PNLIP: variants seen among roughly 807,000 people sequenced by gnomAD.
PNLIP encodes the protein pancreatic lipase.
PNLIP carries 49 observed loss-of-function variants against 57.1 expected under a neutral mutation model. The observed-to-expected ratio is 0.86, with a 90% CI of 0.68 to 1.09. The LOEUF is 1.09. Among genes scored for constraint, PNLIP ranks in the 50% least tolerant of loss-of-function variants. PNLIP has a pLI of 0.00. For missense variants in PNLIP, 503 were observed against 570.2 expected, an observed-to-expected ratio of 0.88 and a Z score of 1.20; for synonymous variants, 209 against 200.4, an observed-to-expected ratio of 1.04 and a Z score of -0.36.
intron 9 of PNLIP, among the ~76,000 whole-genome samples, chr10:116,558,601 A>G (rs1193867883): frequency 6.6e-6 from 1 of 151,802 alleles, no homozygotes; most frequent in Non-Finnish European, 1.5e-5. Context: ...ACACACACAC[A>G]CACACACATA....
At position 116,555,313 on chromosome 10, in the gene PNLIP, C is replaced by T. The variant is rs1847241095; in HGVS notation, c.691+16C>T. 3.7e-6 allele frequency: 6 copies of T among 1,613,984 alleles called. No individual in the cohort carries two copies. The African/African-American group carries it at 4.0e-5, about 11-fold the overall frequency. On this transcript the variant is annotated intron_variant, in intron 7 of 12. Coordinates refer to ENST00000369221, the MANE Select transcript of PNLIP (RefSeq NM_000936.4). ...CCCAATTTGGGTGAGTTCCTCAACC[C>T]GTCCCCCAAAGGGTGTTATAGTGTC...
chr10:116,555,228 T>C lies in PNLIP; in HGVS notation c.622T>C (p.Leu208=), dbSNP rs778768804. The C allele has an allele frequency of 4.3e-6, 7 of 1,614,104 alleles. No homozygotes were observed. Among genetic ancestry groups the C allele is most frequent in the African/African-American group, 4.0e-5 (3 of 74,926 alleles). The change falls in exon 7 of 13, where the codon TTG becomes CTG. Residue 208 remains leucine, a synonymous_variant. Transcript: ENST00000369221. ...CFQGTPELVR[L]DPSDAKFVDV... ...TCAGGGCACACCTGAATTAGTCCGA[T>C]TGGACCCCAGCGATGCCAAATTTGT... is the stretch of plus-strand genomic sequence containing the variant.
intron 2 of PNLIP, among the ~76,000 whole-genome samples, chr10:116,546,398 T>G (rs1040928442): frequency 5.9e-5 from 9 of 152,178 alleles, no homozygotes; most frequent in African/African-American, 2.2e-4. Flanking sequence ...TACTAAAACA[T>G]TATCATTTAT....
In PNLIP at chr10:116,562,839, C is replaced by T. The variant is rs146379510; in HGVS notation, c.1334+1203C>T. 7.9e-4 allele frequency among the ~76,000 whole-genome samples: 121 copies of T among 152,242 alleles called. No individual in the cohort carries two copies. In the East Asian group the frequency reaches 0.023, roughly 29 times the overall value. ...GGGTAGAGTATTTTAGAAGGTCTTG[C>T]TTTATAGTGGAAAATAATTTACCTA... On this transcript the variant is annotated intron_variant, in intron 12 of 12. Transcript: ENST00000369221.
In PNLIP at chr10:116,547,381, C is replaced by T. The variant is rs1847138660; in HGVS notation, c.134C>T (p.Pro45Leu). 1 of 1,613,944 alleles carries T rather than the reference C, an allele frequency of 6.2e-7. No individual in the cohort carries two copies. Among genetic ancestry groups the T allele is most frequent in the South Asian group, 1.1e-5 (1 of 91,076 alleles). The change falls in exon 3 of 13, where the codon CCT becomes CTT. Residue 45 changes from proline to leucine, a missense_variant. Physicochemically the swap from Pro to Leu is moderately conservative, Grantham distance 98. Coordinates refer to ENST00000369221, the MANE Select transcript of PNLIP (RefSeq NM_000936.4). Reference sequence around the variant, plus strand: ...ACGGAAAGACCCCTCCATATATTGCCTTGGTCTCCAAAAGATGTCAACACC... The same window carrying T: ...ACGGAAAGACCCCTCCATATATTGCTTTGGTCTCCAAAAGATGTCAACACC... Reference protein sequence around the residue: ...GITERPLHILPWSPKDVNTRF... With the variant: ...GITERPLHILLWSPKDVNTRF...
At chr10:116,559,391 C>A in intron 10 of PNLIP, 108 bp downstream of exon 10, 1 of 797,422 alleles carries the variant, frequency 1.3e-6, no homozygotes, top group Admixed American at 2.7e-5. Flanking sequence ...TTAAACACCC[C>A]CTCTGCAAGG....
In PNLIP at chr10:116,561,726, C is replaced by T. The variant is rs553162380; in HGVS notation, c.1334+90C>T. On this transcript the variant is annotated intron_variant, in intron 12 of 12. Coordinates refer to ENST00000369221, the MANE Select transcript of PNLIP (RefSeq NM_000936.4). ...AAAAGTCTAATTTAAGTGAAACCTCCTACAGGGGATCGCCTACATCCTAGT... is the reference window on the plus strand; with the variant it reads ...AAAAGTCTAATTTAAGTGAAACCTCTTACAGGGGATCGCCTACATCCTAGT... 48 of 1,151,350 alleles carry T rather than the reference C, an allele frequency of 4.2e-5. No individual in the cohort carries two copies. In the South Asian group the frequency reaches 7.3e-4, roughly 17 times the overall value. 71.3% of individuals were successfully genotyped at this position (1,151,350 alleles called of 1,614,324 possible). A position where few individuals can be genotyped will look rare whatever the true frequency, so the allele number is the denominator to read the frequency against.
chr10:116,556,480 T>C (rs1198308872), intron 9 of PNLIP, among the ~76,000 whole-genome samples: 1 of 152,224 alleles, frequency 6.6e-6, no homozygotes, highest in African/African-American at 2.4e-5. Flanking sequence ...TTCTAACTAT[T>C]AATATATAAT....
Position 116,555,389 on chromosome 10 carries a change from G to A in PNLIP, c.693G>A (p.Gly231=), listed in dbSNP as rs745641207. The change falls in exon 8 of 13, where the codon GGG becomes GGA. Residue 231 remains glycine, a splice_region_variant and synonymous_variant. Transcript: ENST00000369221. ...CCTCATGTATTTTTATGATTTCAGGGTTTGGAATGAGCCAAGTCGTGGGCC... is the reference window on the plus strand; with the variant it reads ...CCTCATGTATTTTTATGATTTCAGGATTTGGAATGAGCCAAGTCGTGGGCC... The part of the protein sequence containing the change: ...TDGAPIVPNL[G]FGMSQVVGHL... 2.0e-5 allele frequency: 32 copies of A among 1,614,014 alleles called. No individual in the cohort carries two copies. The highest frequency in any genetic ancestry group is 6.7e-5 in the Admixed American group (4 of 59,994).
intron 7 of PNLIP, 39 bp from the exon 8 acceptor site, chr10:116,555,349 T>C (rs565517497): frequency 6.2e-7 from 1 of 1,614,180 alleles, no homozygotes; most frequent in African/African-American, 1.3e-5. Context: ...TGAGTCTATA[T>C]ACATTAGCAT....
chr10:116,546,040 G>T, intron 1 of PNLIP, 53 bp from the exon 2 acceptor site: 1 of 1,519,370 alleles, frequency 6.6e-7, no homozygotes, highest in Admixed American at 1.7e-5. Context: ...ACTAAAACTT[G>T]CCGATCTTTT....
In PNLIP at chr10:116,567,421, T is replaced by C. The variant is rs1254510040; in HGVS notation, c.1335-314T>C. 2.6e-5 allele frequency among the ~76,000 whole-genome samples: 4 copies of C among 152,352 alleles called. No homozygotes were observed. In the East Asian group the frequency reaches 7.7e-4, roughly 29 times the overall value. On this transcript the variant is annotated intron_variant, in intron 12 of 12. Transcript: ENST00000369221. ...GGCTGATTTCTTATGATGGTGACTC[T>C]GCTGTTCCTGAGTTGCATTGGTTGA...
intron 10 of PNLIP, among the ~76,000 whole-genome samples, chr10:116,560,003 G>A (rs1412515759): frequency 6.6e-6 from 1 of 151,902 alleles, no homozygotes; most frequent in Non-Finnish European, 1.5e-5. Flanking sequence ...CAAAAAGATA[G>A]CAGTACCCTA....
At chr10:116,552,634 C>G (rs1195366664) in intron 5 of PNLIP, among the ~76,000 whole-genome samples, 1 of 152,136 alleles carries the variant, frequency 6.6e-6, no homozygotes, top group East Asian at 1.9e-4. Context: ...CGCCTGTAAT[C>G]CCAGCACTTT....
intron 4 of PNLIP, among the ~76,000 whole-genome samples, chr10:116,550,392 C>A (rs566525625): frequency 2.6e-5 from 4 of 151,732 alleles, no homozygotes. Flanking sequence ...AAAAAAGAAG[C>A]TATACATAAA....
At chr10:116,550,448 C>A (rs904117692) in intron 4 of PNLIP, among the ~76,000 whole-genome samples, 1 of 151,870 alleles carries the variant, frequency 6.6e-6, no homozygotes, top group African/African-American at 2.4e-5. Context: ...CTCCATGAAG[C>A]CCTAATTAAA....
chr10:116,552,355 C>T (rs1198893850), intron 5 of PNLIP, among the ~76,000 whole-genome samples: 5 of 152,042 alleles, frequency 3.3e-5, no homozygotes, highest in Non-Finnish European at 7.4e-5. Context: ...CCCTGAAAAC[C>T]TTCCAGGGAA....
rs1474041869 is a variant in PNLIP, at chr10:116,561,601, A to T, written c.1299A>T (p.Ala433=). ...ACCCAACTTTACCTAGAGTGGGAGC[A>T]TCCAAGATTATAGTGGAGACAAATG... ...VINPTLPRVG[A]SKIIVETNVG... Residue 433 remains alanine, a synonymous_variant, in exon 12 of 13, where the codon GCA becomes GCT. Transcript: ENST00000369221. 6.2e-7 allele frequency: 1 copy of T among 1,613,088 alleles called. No individual in the cohort carries two copies. The highest frequency in any genetic ancestry group is 2.2e-5 in the East Asian group (1 of 44,854).
intron 4 of PNLIP, among the ~76,000 whole-genome samples, chr10:116,550,315 C>T (rs1438942883): frequency 6.6e-6 from 1 of 151,490 alleles, no homozygotes; most frequent in Admixed American, 6.6e-5. Context: ...GCCTCGGCCT[C>T]CCAAAGTGCT....
Sources: gnomAD v4.1 joint callset for allele counts (sites outside exome capture counted in the v4.1 genomes callset) on GRCh38, gnomAD v4.1.1 for gene constraint, MANE v1.5 for transcripts, NCBI Gene and HGNC (gene_info 2026-07-23, HGNC 2026-07-21) for gene names.